Variants in PTPRD observed in about 807,000 individuals in gnomAD.
The protein encoded by PTPRD is receptor-type tyrosine-protein phosphatase delta.
PTPRD carries 34 observed loss-of-function variants against 214.5 expected under a neutral mutation model. The ratio of observed to expected loss-of-function variants is 0.16; its 90% confidence interval spans 0.12 to 0.21. The LOEUF is 0.21. PTPRD is among the 10% of genes least tolerant of loss of function. The pLI, the probability that PTPRD is intolerant of heterozygous loss-of-function variation, is 1.00. For synonymous variants in PTPRD, 1,128 were observed against 845.7 expected (o/e 1.33, Z -5.79); for missense variants, 2,545 against 2,398.7 (o/e 1.06, Z -1.27).
chr9:9,873,269 G>A (rs148032701), intron 5 of PTPRD, among the ~76,000 whole-genome samples: 1 of 152,182 alleles, frequency 6.6e-6, no homozygotes, highest in African/African-American at 2.4e-5. Context: ...TTTCTTTTGA[G>A]CTCTCTGCTT....
intron 8 of PTPRD, among the ~76,000 whole-genome samples, chr9:9,444,710 C>T (rs1011063693): frequency 1.3e-5 from 2 of 152,150 alleles, no homozygotes; most frequent in African/African-American, 4.8e-5. Context: ...TCCCTTTCTT[C>T]ATACTACTCT....
chr9:9,481,004 C>T (rs760185862), intron 8 of PTPRD, among the ~76,000 whole-genome samples: 2 of 151,942 alleles, frequency 1.3e-5, no homozygotes, highest in African/African-American at 2.4e-5. Context: ...CTGTTGAAGA[C>T]ATGTAATAAT....
At chr9:9,986,251 T>C (rs1408455902) in intron 4 of PTPRD, among the ~76,000 whole-genome samples, 2 of 152,080 alleles carry the variant, frequency 1.3e-5, no homozygotes, top group Non-Finnish European at 2.9e-5. Flanking sequence ...AAATTCCACA[T>C]CTAGGAAATA....
intron 11 of PTPRD, among the ~76,000 whole-genome samples, chr9:8,805,472 A>G (rs1214013164): frequency 6.6e-6 from 1 of 152,060 alleles, no homozygotes; most frequent in Non-Finnish European, 1.5e-5. Flanking sequence ...TGGCTTGCCA[A>G]TTTTGGAAAA....
chr9:10,079,009 T>G (rs1038091724), intron 3 of PTPRD, among the ~76,000 whole-genome samples: 2 of 152,094 alleles, frequency 1.3e-5, no homozygotes, highest in African/African-American at 4.8e-5. Context: ...TTTTCTTTTT[T>G]TTGGGTTGAA....
intron 11 of PTPRD, among the ~76,000 whole-genome samples, chr9:8,805,090 G>A (rs538664203): frequency 1.3e-5 from 2 of 152,244 alleles, no homozygotes; most frequent in Admixed American, 1.3e-4. Flanking sequence ...TCAAAGCCAT[G>A]GGATCAGAAC....
chr9:9,617,456 A>T (rs917142701), intron 7 of PTPRD, among the ~76,000 whole-genome samples: 1 of 152,152 alleles, frequency 6.6e-6, no homozygotes, highest in Non-Finnish European at 1.5e-5. Context: ...TCTTTTACGG[A>T]AATAAGTAGG....
chr9:9,536,860 C>T (rs1199957237), intron 8 of PTPRD, among the ~76,000 whole-genome samples: 3 of 151,954 alleles, frequency 2.0e-5, no homozygotes, highest in Non-Finnish European at 2.9e-5. Context: ...ACTTTCTTGT[C>T]GCAAGAGAAA....
Position 9,636,223 on chromosome 9 carries a change from A to T in PTPRD, c.-286-61442T>A, listed in dbSNP as rs115375316. Reference sequence around the variant, plus strand: ...CTTTCATTTCTCCTTAAGCCTCCTCAGGAAAGTCTTTCCCGACACTGTATT... The same window carrying T: ...CTTTCATTTCTCCTTAAGCCTCCTCTGGAAAGTCTTTCCCGACACTGTATT... On this transcript the variant is annotated intron_variant, in intron 7 of 45. Transcript: ENST00000381196. Among the ~76,000 whole-genome samples the T allele has an allele frequency of 6.8e-3, 1,034 of 152,254 alleles. 10 individuals are homozygous for T. Among genetic ancestry groups the T allele is most frequent in the African/African-American group, 0.024 (979 of 41,564 alleles).
chr9:8,919,967 T>C (rs555114613), intron 11 of PTPRD, among the ~76,000 whole-genome samples: 11 of 149,652 alleles, frequency 7.4e-5, no homozygotes, highest in Non-Finnish European at 1.6e-4. Context: ...TACGTGTGTA[T>C]GCATGTATTG....
intron 21 of PTPRD, among the ~76,000 whole-genome samples, chr9:8,510,679 A>G (rs56337627): frequency 2.1e-3 from 314 of 152,232 alleles, no homozygotes; most frequent in Non-Finnish European, 3.8e-3. Flanking sequence ...CAGGCTCATC[A>G]ATGGCTTAAG....
intron 7 of PTPRD, among the ~76,000 whole-genome samples, chr9:9,578,070 A>G (rs1025384482): frequency 9.7e-5 from 14 of 143,606 alleles, no homozygotes; most frequent in African/African-American, 3.6e-4. Flanking sequence ...AAAAAAAAAA[A>G]AGAGGATCAG....
chr9:8,744,204 T>C (rs1470402731), intron 11 of PTPRD, among the ~76,000 whole-genome samples: 1 of 152,200 alleles, frequency 6.6e-6, no homozygotes, highest in Admixed American at 6.5e-5. Context: ...TTGACAAGAA[T>C]GTAAACTAGT....
At chr9:9,504,342 T>C (rs955577303) in intron 8 of PTPRD, among the ~76,000 whole-genome samples, 6 of 151,672 alleles carry the variant, frequency 4.0e-5, no homozygotes, top group African/African-American at 1.5e-4. Context: ...GATATAGAGA[T>C]TTCATAGTCC....
At chr9:9,217,914 T>C (rs2099953348) in intron 9 of PTPRD, among the ~76,000 whole-genome samples, 1 of 152,156 alleles carries the variant, frequency 6.6e-6, no homozygotes, top group African/African-American at 2.4e-5. Flanking sequence ...AATACATAAA[T>C]TTATTTTTAT....
At chr9:9,135,272 T>C (rs2099849085) in intron 10 of PTPRD, among the ~76,000 whole-genome samples, 3 of 152,242 alleles carry the variant, frequency 2.0e-5, no homozygotes, top group Non-Finnish European at 2.9e-5. Context: ...CCTAGTATGA[T>C]ACTTTGTACA....
chr9:8,620,188 C>T (rs1383867723), intron 14 of PTPRD, among the ~76,000 whole-genome samples: 1 of 151,940 alleles, frequency 6.6e-6, no homozygotes, highest in Non-Finnish European at 1.5e-5. Flanking sequence ...TTGATCTTTG[C>T]TTTTCTAATT....
chr9:10,344,904 G>A (rs1273806278), intron 2 of PTPRD, among the ~76,000 whole-genome samples: 2 of 152,030 alleles, frequency 1.3e-5, no homozygotes, highest in Non-Finnish European at 2.9e-5. Flanking sequence ...CTCATGCCTT[G>A]CTTTCTCTGT....
intron 7 of PTPRD, among the ~76,000 whole-genome samples, chr9:9,620,914 G>A (rs145905755): frequency 6.5e-4 from 99 of 152,068 alleles, no homozygotes; most frequent in Admixed American, 1.5e-3. Context: ...AAATGATATG[G>A]TACTTGGCCA....
Sources: allele counts gnomAD v4.1 joint callset (sites outside exome capture counted in the v4.1 genomes callset), GRCh38; gene constraint gnomAD v4.1.1; transcripts MANE v1.5; gene names NCBI Gene and HGNC (gene_info 2026-07-23, HGNC 2026-07-21).